The following ZFYVE26 variants were observed in gnomAD, a reference collection of about 807,000 sequenced individuals.
The protein encoded by ZFYVE26 is zinc finger FYVE domain-containing protein 26.
Under a neutral mutation model 276.5 loss-of-function variants are expected in ZFYVE26, and 181 were observed. The observed-to-expected ratio is 0.65, with a 90% CI of 0.58 to 0.74. ZFYVE26 has a LOEUF of 0.74. ZFYVE26 is among the 30% of genes least tolerant of loss of function. ZFYVE26 has a pLI of 0.00. For synonymous variants in ZFYVE26, 1,129 were observed against 1,203.1 expected, an observed-to-expected ratio of 0.94 and a Z score of 1.27; for missense variants, 2,821 against 3,097.9, an observed-to-expected ratio of 0.91 and a Z score of 2.12.
At chr14:67,746,396 G>C (rs555485948), downstream of ZFYVE26, 70 of 152,282 alleles carry the variant, frequency 4.6e-4, 1 homozygote, top group African/African-American at 1.6e-3. Flanking sequence ...AGTCATTATG[G>C]GGATTATTTA....
At chr14:67,730,195 G>A (rs776354515) in intron 13 of ZFYVE26, among the ~76,000 whole-genome samples, 18 of 152,278 alleles carry the variant, frequency 1.2e-4, no homozygotes, top group East Asian at 3.9e-4. Context: ...AAACTGAGGC[G>A]CAAGATAATT....
In ZFYVE26 at chr14:67,807,606, A is replaced by G. The variant is rs762577403; in HGVS notation, c.678T>C (p.Arg226=). Residue 226 remains arginine, a synonymous_variant, in exon 5 of 42, where the codon CGT becomes CGC. Transcript: ENST00000347230. ...DAIYGALRTL[R]CPAEPLGVEL... is the part of the protein sequence containing the mutation. ...CAACCCCAAGTGGTTCTGCGGGGCA[A>G]CGCAGAGTCCGCAGGGCTCCATAGA... The G allele has an allele frequency of 8.1e-6, 13 of 1,614,180 alleles. No homozygotes were observed. In the East Asian group the frequency reaches 2.9e-4, roughly 36 times the overall value.
Position 67,748,455 on chromosome 14 carries a change from C to T in ZFYVE26, c.7601G>A (p.Gly2534Asp). 6 of 1,612,390 alleles carry T rather than the reference C, an allele frequency of 3.7e-6. No individual in the cohort carries two copies. Among genetic ancestry groups the T allele is most frequent in the Non-Finnish European group, 5.1e-6 (6 of 1,179,870 alleles). Reference protein sequence around the residue: ...LLTSHPRGAHGPGSRK With the variant: ...LLTSHPRGAHDPGSRK ...CCAAGGTCACTTCCTGGAGCCTGGG[C>T]CATGGGCACCCCGGGGGTGGCTTGT... The change falls in exon 42 of 42, where the codon GGC becomes GAC. Residue 2534 changes from glycine (G) to aspartate (D), a missense_variant. By Grantham distance (94) the Gly-to-Asp change is moderately conservative (BLOSUM62 -1). Coordinates refer to ENST00000347230, the MANE Select transcript of ZFYVE26 (RefSeq NM_015346.4).
intron 13 of ZFYVE26, among the ~76,000 whole-genome samples, chr14:67,740,397 T>A (rs1468083254): frequency 1.3e-5 from 2 of 152,076 alleles, no homozygotes; most frequent in African/African-American, 4.8e-5. Flanking sequence ...AAATTATCTA[T>A]TATAATTAAA....
At chr14:67,802,563 G>T (rs1410503394) in intron 9 of ZFYVE26, among the ~76,000 whole-genome samples, 1 of 152,200 alleles carries the variant, frequency 6.6e-6, no homozygotes, top group African/African-American at 2.4e-5. Context: ...GCACCTGACA[G>T]TGAGTGCCTC....
chr14:67,807,413 T>C lies in ZFYVE26; in HGVS notation c.871A>G (p.Thr291Ala). Reference protein sequence around the residue: ...EKVTEKPPRATASGKVSPDHL... With the variant: ...EKVTEKPPRAAASGKVSPDHL... ...GGGAACACACCTTTTCCCGAGGCTG[T>C]AGCCCTCGGTGGCTTTTCTGTGACC... The change falls in exon 5 of 42, where the codon ACA (threonine) becomes GCA (alanine). Residue 291 changes from threonine (T) to alanine (A), a missense_variant. Coordinates refer to ENST00000347230, the MANE Select transcript of ZFYVE26 (RefSeq NM_015346.4). 1.2e-6 allele frequency: 2 copies of C among 1,614,192 alleles called. No homozygotes were observed. The highest frequency in any genetic ancestry group is 1.7e-6 in the Non-Finnish European group (2 of 1,180,034).
rs1442274614 is a variant in ZFYVE26 at position 67,781,442 on chromosome 14, A to AG, written c.4459dup (p.Leu1487ProfsTer24). 6.2e-7 allele frequency: 1 copy of AG among 1,614,182 alleles called. No individual in the cohort carries two copies. The highest frequency in any genetic ancestry group is 1.1e-5 in the South Asian group (1 of 91,088). ...GGCCAGAATCTCCAGGCATGACTCC[A>AG]GGGGCCACCTGTCCACAAACTGTAG... On this transcript the variant is annotated frameshift_variant, in exon 22 of 42. Transcript: ENST00000347230. LOFTEE classifies it high-confidence loss of function.
In ZFYVE26 at chr14:67,729,270, G is replaced by A. The variant is rs752438534; in HGVS notation, n.3229C>T. 6.2e-7 allele frequency: 1 copy of A among 1,606,612 alleles called. No individual in the cohort carries two copies. On this transcript the variant is annotated non_coding_transcript_exon_variant, in exon 14 of 15. Coordinates refer to the ZFYVE26 transcript ENST00000394455. ...TCCGGCACTCCTCCCTGCTCTGCCT[G>A]CTCTGGCGGCTCTTCTCCCCCTTTG...
At chr14:67,752,551 G>A in intron 39 of ZFYVE26, 25 bp from the exon 40 acceptor site, 1 of 1,613,620 alleles carries the variant, frequency 6.2e-7, no homozygotes, top group Non-Finnish European at 8.5e-7. Context: ...AACATGATGG[G>A]CTTAGGAGCA....
intron 22 of ZFYVE26, among the ~76,000 whole-genome samples, chr14:67,781,121 T>C (rs567305056): frequency 6.6e-5 from 10 of 152,332 alleles, no homozygotes; most frequent in African/African-American, 1.7e-4. Context: ...TTACCCTCAC[T>C]TCATGCAAAT....
At chr14:67,761,132 T>C (rs905138774) in intron 35 of ZFYVE26, 12 of 657,398 alleles carry the variant, frequency 1.8e-5, no homozygotes, top group African/African-American at 5.4e-5. Context: ...GCAGAAGGAA[T>C]GAAACATGCC....
chr14:67,763,544 T>C (rs2038987371), intron 32 of ZFYVE26, among the ~76,000 whole-genome samples: 1 of 152,342 alleles, frequency 6.6e-6, no homozygotes, highest in African/African-American at 2.4e-5. Flanking sequence ...GTTTGTAGCC[T>C]AGGAACAATA....
At chr14:67,736,542 GA>G (rs927966988) in intron 13 of ZFYVE26, among the ~76,000 whole-genome samples, 17 of 151,896 alleles carry the variant, frequency 1.1e-4, no homozygotes, top group African/African-American at 3.1e-4. Flanking sequence ...GAAAATATTA[GA>G]AAAAAATATA....
Position 67,786,135 on chromosome 14 carries a change from A to G in ZFYVE26, c.3118T>C (p.Ser1040Pro), listed in dbSNP as rs112787369. The G allele has an allele frequency of 6.2e-7, 1 of 1,614,170 alleles. No individual in the cohort carries two copies. Among genetic ancestry groups the G allele is most frequent in the East Asian group, 2.2e-5 (1 of 44,888 alleles). Residue 1040 changes from serine (S) to proline (P), a missense_variant, in exon 17 of 42, where the codon TCA becomes CCA. Coordinates refer to ENST00000347230, the MANE Select transcript of ZFYVE26 (RefSeq NM_015346.4). ...ISKSLNYLLM[S>P]ASQTKSESVE... ...TCACCTGATTTGGTTTGACTGGCTG[A>G]CATAAGCAGATAATTGAGACTCTTA...
At chr14:67,733,873 C>G (rs767104580) in intron 13 of ZFYVE26, 28 of 1,533,738 alleles carry the variant, frequency 1.8e-5, no homozygotes. Context: ...GCAGCTTTAT[C>G]AGGCCCAATC....
downstream of ZFYVE26, among the ~76,000 whole-genome samples, chr14:67,743,405 G>A (rs1244070954): frequency 1.3e-5 from 2 of 151,870 alleles, no homozygotes; most frequent in Non-Finnish European, 2.9e-5. Flanking sequence ...GTGGGAGGAT[G>A]GCTTGAGCCC....
rs1220062799 is a variant in ZFYVE26 at position 67,761,763 on chromosome 14, TA to T, written c.6370-180del. The T allele has an allele frequency of 1.4e-5, 7 of 503,922 alleles. No homozygotes were observed. The Admixed American group carries it at 1.8e-4, about 13-fold the overall frequency. The allele number at this position is 503,922 out of a possible 1,614,324, so 31.2% of individuals were successfully genotyped here. A position where few individuals can be genotyped will look rare whatever the true frequency, so the allele number is the denominator to read the frequency against. On this transcript the variant is annotated intron_variant, in intron 34 of 41. Coordinates refer to ENST00000347230, the MANE Select transcript of ZFYVE26 (RefSeq NM_015346.4). ...TAGAACTTAAAGTATGATAAAAAAA[TA>T]AAAAAACAAATAAAGAAAGAATATT... is the stretch of plus-strand genomic sequence containing the variant.
At chr14:67,752,234 A>T in intron 40 of ZFYVE26, 110 bp downstream of exon 40, 1 of 1,380,174 alleles carries the variant, frequency 7.2e-7, no homozygotes, top group Non-Finnish European at 1.0e-6. Context: ...CAGAATGATA[A>T]AAGGATCTTG....
At chr14:67,777,103 A>C (rs2039364457) in intron 25 of ZFYVE26, among the ~76,000 whole-genome samples, 1 of 152,258 alleles carries the variant, frequency 6.6e-6, no homozygotes, top group Non-Finnish European at 1.5e-5. Context: ...AGTCGTTTTA[A>C]ATCCTTACAT....
Sources: gnomAD v4.1 joint callset for allele counts (sites outside exome capture counted in the v4.1 genomes callset) on GRCh38, gnomAD v4.1.1 for gene constraint, MANE v1.5 for transcripts, NCBI Gene and HGNC (gene_info 2026-07-23, HGNC 2026-07-21) for gene names.